Variants in CDH13 observed in about 807,000 individuals in gnomAD.
The protein encoded by CDH13 is cadherin 13, also known as cadherin-13.
Under a neutral mutation model 63.8 loss-of-function variants are expected in CDH13, and 24 were observed. That is an observed-to-expected ratio of 0.38 (90% CI 0.27 to 0.53). The LOEUF is 0.53. Ranked by LOEUF, CDH13 falls within the 20% of genes least tolerant of loss-of-function variation. The pLI, the probability that CDH13 is intolerant of heterozygous loss-of-function variation, is 0.85. For missense variants in CDH13, 1,049 were observed against 903.1 expected (o/e 1.16, Z -2.07); for synonymous variants, 503 against 355.3 (o/e 1.42, Z -4.67).
chr16:83,622,322 A>G (rs950344324), intron 8 of CDH13, among the ~76,000 whole-genome samples: 54 of 152,100 alleles, frequency 3.6e-4, no homozygotes, highest in African/African-American at 1.2e-3. Context: ...CAAACACAGC[A>G]CTGCACTCCC....
At chr16:83,237,291 G>A (rs1352902197) in intron 5 of CDH13, among the ~76,000 whole-genome samples, 4 of 152,206 alleles carry the variant, frequency 2.6e-5, no homozygotes, top group Non-Finnish European at 4.4e-5. Context: ...TCACAGCCTA[G>A]TGACCCACAC....
At chr16:83,691,925 C>T (rs1191663802) in intron 10 of CDH13, among the ~76,000 whole-genome samples, 2 of 152,152 alleles carry the variant, frequency 1.3e-5, no homozygotes, top group East Asian at 3.9e-4. Flanking sequence ...TTAGATCACC[C>T]CTCATTTCAC....
intron 7 of CDH13, chr16:83,508,343 A>C (rs1457497596): frequency 6.5e-6 from 1 of 154,650 alleles, no homozygotes; most frequent in Non-Finnish European, 1.5e-5. Flanking sequence ...GCGTTGCCCC[A>C]TGGCTGCTTC....
intron 5 of CDH13, among the ~76,000 whole-genome samples, chr16:83,258,312 C>T (rs998063419): frequency 3.3e-5 from 5 of 152,130 alleles, no homozygotes; most frequent in Non-Finnish European, 7.3e-5. Flanking sequence ...AATTGCAGCA[C>T]CCTATTGGAA....
chr16:83,386,024 C>A (rs541592954), intron 6 of CDH13, among the ~76,000 whole-genome samples: 1 of 152,314 alleles, frequency 6.6e-6, no homozygotes, highest in South Asian at 2.1e-4. Context: ...GGTGCTTGGA[C>A]AAACACTTCA....
In CDH13 at chr16:83,320,060, G is replaced by C. The variant is rs118027242; in HGVS notation, c.637-24802G>C. On this transcript the variant is annotated intron_variant, in intron 5 of 13. Coordinates refer to ENST00000567109, the MANE Select transcript of CDH13 (RefSeq NM_001257.5). ...TCTTGGACTGCCCGTTTGTTTATGA[G>C]ACAGGGTCTCATTCTGTCACTCAGG... Among the ~76,000 whole-genome samples, 118 of 152,282 alleles carry C rather than the reference G, an allele frequency of 7.7e-4. 2 individuals carry two copies. In the East Asian group the frequency reaches 0.022, roughly 28 times the overall value.
At chr16:82,977,242 C>A (rs1026343458) in intron 2 of CDH13, among the ~76,000 whole-genome samples, 6 of 152,084 alleles carry the variant, frequency 3.9e-5, no homozygotes, top group African/African-American at 7.2e-5. Context: ...GGCTGCAGAG[C>A]TGGACAACAC....
rs1293429868 is a variant in CDH13 at position 83,486,560 on chromosome 16, C to CGT, written c.865_866insGT (p.Gln289ArgfsTer42). 1 of 1,613,846 alleles carries CGT rather than the reference C, an allele frequency of 6.2e-7. No individual in the cohort carries two copies. The stretch of plus-strand genomic sequence containing the variant: ...CCTCCTGCGGTATAATATCCGTCAG[C>CGT]AGACGCCTGACAAGCCATCTCCCAA... On this transcript the variant is annotated frameshift_variant, in exon 7 of 14. Coordinates refer to ENST00000567109, the MANE Select transcript of CDH13 (RefSeq NM_001257.5). LOFTEE classifies it high-confidence loss of function.
intron 3 of CDH13, among the ~76,000 whole-genome samples, chr16:83,070,653 A>G (rs1189040948): frequency 6.6e-6 from 1 of 152,186 alleles, no homozygotes; most frequent in Non-Finnish European, 1.5e-5. Context: ...GTGACTGGAC[A>G]ATGCTGAGAC....
chr16:83,521,804 A>C (rs952371960), intron 7 of CDH13, among the ~76,000 whole-genome samples: 1 of 152,230 alleles, frequency 6.6e-6, no homozygotes, highest in Non-Finnish European at 1.5e-5. Context: ...TGGTTCTGCC[A>C]CTGACCTTGA....
chr16:83,794,333 G>A (rs113352427), intron 13 of CDH13, among the ~76,000 whole-genome samples: 474 of 152,256 alleles, frequency 3.1e-3, no homozygotes, highest in African/African-American at 0.011. Context: ...TGGGAGGATC[G>A]CTTGAGGCCA....
At chr16:82,773,483 A>T (rs1206456850) in intron 1 of CDH13, 1 of 152,260 alleles carries the variant, frequency 6.6e-6, no homozygotes, top group Non-Finnish European at 1.5e-5. Flanking sequence ...CCTGTGACAC[A>T]GTGGAGGTAG....
chr16:83,204,505 T>C (rs2039125393), intron 4 of CDH13, among the ~76,000 whole-genome samples: 1 of 152,202 alleles, frequency 6.6e-6, no homozygotes, highest in African/African-American at 2.4e-5. Flanking sequence ...TCTCAGGTCA[T>C]TCACTCACCA....
At chr16:83,657,950 C>A (rs1286479097) in intron 8 of CDH13, among the ~76,000 whole-genome samples, 1 of 148,474 alleles carries the variant, frequency 6.7e-6, no homozygotes, top group Non-Finnish European at 1.5e-5. Flanking sequence ...GGTCCCATAT[C>A]CTCACCAGCA....
At chr16:83,070,438 T>C (rs2032346453) in intron 3 of CDH13, among the ~76,000 whole-genome samples, 1 of 152,224 alleles carries the variant, frequency 6.6e-6, no homozygotes. Flanking sequence ...TTAAGATACA[T>C]TGATTTCATT....
intron 5 of CDH13, among the ~76,000 whole-genome samples, chr16:83,290,218 T>C (rs929895): frequency 0.08 from 12,129 of 152,294 alleles, 691 homozygotes; most frequent in Non-Finnish European, 0.12. Context: ...TCTATTTTAA[T>C]TGTTAGTATT....
At chr16:83,696,716 C>T (rs1905456642) in intron 10 of CDH13, among the ~76,000 whole-genome samples, 1 of 152,232 alleles carries the variant, frequency 6.6e-6, no homozygotes, top group South Asian at 2.1e-4. Context: ...AGAATCTCCG[C>T]AGTTCTTGCA....
At chr16:83,214,070 C>G (rs773637582) in intron 4 of CDH13, among the ~76,000 whole-genome samples, 1 of 152,026 alleles carries the variant, frequency 6.6e-6, no homozygotes, top group African/African-American at 2.4e-5. Flanking sequence ...TGGCCACCCC[C>G]AAGGCAGCAG....
At chr16:83,191,528 C>CATATATAT (rs1479803621) in intron 4 of CDH13, among the ~76,000 whole-genome samples, 26 of 70,078 alleles carry the variant, frequency 3.7e-4, no homozygotes, top group East Asian at 1.5e-3. Context: ...CACACACACA[C>CATATATAT]ACATATATAT....
Sources: allele counts gnomAD v4.1 joint callset (sites outside exome capture counted in the v4.1 genomes callset), GRCh38; gene constraint gnomAD v4.1.1; transcripts MANE v1.5; gene names NCBI Gene and HGNC (gene_info 2026-07-23, HGNC 2026-07-21).